LDB2: variants seen among roughly 807,000 people sequenced by gnomAD.
LDB2 encodes the protein LIM domain binding 2.
Under a neutral mutation model 44.3 loss-of-function variants are expected in LDB2, and 12 were observed. The observed-to-expected ratio is 0.27, with a 90% confidence interval of 0.17 to 0.44. The LOEUF is 0.44. LDB2 is among the 20% of genes least tolerant of loss of function. The probability of loss-of-function intolerance (pLI) is 1.00; values close to 1 mark genes in which losing one functional copy is unlikely to be tolerated. For missense variants in LDB2, 344 were observed against 473.5 expected (o/e 0.73, Z 2.54); for synonymous variants, 164 against 174.8 (o/e 0.94, Z 0.49).
chr4:16,593,560 C>T (rs971562867), intron 3 of LDB2, among the ~76,000 whole-genome samples: 21 of 152,106 alleles, frequency 1.4e-4, no homozygotes, highest in Admixed American at 1.2e-3. Flanking sequence ...TAATTAGCAT[C>T]TGGACTAAGT....
intron 5 of LDB2, among the ~76,000 whole-genome samples, chr4:16,563,604 A>C: frequency 6.7e-6 from 1 of 149,284 alleles, no homozygotes. Context: ...GCCCACCACC[A>C]CGCCTGGCTA....
At chr4:16,711,862 G>A (rs1460133152) in intron 2 of LDB2, among the ~76,000 whole-genome samples, 1 of 152,142 alleles carries the variant, frequency 6.6e-6, no homozygotes, top group Non-Finnish European at 1.5e-5. Flanking sequence ...TTTAACAAAT[G>A]GTGCTGAGAT....
chr4:16,799,453 T>A (rs1777353571), intron 1 of LDB2, among the ~76,000 whole-genome samples: 1 of 152,218 alleles, frequency 6.6e-6, no homozygotes, highest in Non-Finnish European at 1.5e-5. Context: ...GACAAATACT[T>A]GTCAGAGCCT....
At chr4:16,640,215 C>G (rs1463634655) in intron 2 of LDB2, among the ~76,000 whole-genome samples, 1 of 152,142 alleles carries the variant, frequency 6.6e-6, no homozygotes. Context: ...AGTATTCTAC[C>G]TTGTGGGTGT....
chr4:16,675,838 TCAA>T (rs1746151580), intron 2 of LDB2, among the ~76,000 whole-genome samples: 3 of 152,172 alleles, frequency 2.0e-5, no homozygotes, highest in African/African-American at 7.2e-5. Context: ...TAAAAATAAA[TCAA>T]CTTCAGTGTT....
chr4:16,602,006 A>G (rs1209426156), intron 2 of LDB2, among the ~76,000 whole-genome samples: 4 of 152,202 alleles, frequency 2.6e-5, no homozygotes, highest in African/African-American at 9.6e-5. Context: ...AAGTCGAATT[A>G]ATTAATTAAT....
At chr4:16,656,712 T>C (rs1287766876) in intron 2 of LDB2, among the ~76,000 whole-genome samples, 1 of 152,232 alleles carries the variant, frequency 6.6e-6, no homozygotes, top group Non-Finnish European at 1.5e-5. Context: ...AAACACATCA[T>C]GCCAATGTAA....
intron 2 of LDB2, among the ~76,000 whole-genome samples, chr4:16,670,361 A>G (rs753566662): frequency 2.0e-5 from 3 of 152,130 alleles, no homozygotes; most frequent in Admixed American, 6.5e-5. Context: ...CCTCCTTTCT[A>G]TGAATGTCCT....
chr4:16,886,631 A>T (rs1327096997), intron 1 of LDB2, among the ~76,000 whole-genome samples: 1 of 152,212 alleles, frequency 6.6e-6, no homozygotes, highest in Non-Finnish European at 1.5e-5. Flanking sequence ...ATGTATTTTA[A>T]AGCACATGCA....
intron 5 of LDB2, among the ~76,000 whole-genome samples, chr4:16,513,798 C>T (rs895957366): frequency 2.6e-5 from 4 of 152,138 alleles, no homozygotes; most frequent in Middle Eastern, 3.2e-3. Context: ...ATCCCTCATT[C>T]GCCCCCACAG....
intron 1 of LDB2, among the ~76,000 whole-genome samples, chr4:16,775,865 C>A (rs1174038296): frequency 6.6e-6 from 1 of 152,176 alleles, no homozygotes; most frequent in African/African-American, 2.4e-5. Context: ...TTCAAGCAGA[C>A]TGACTGAAGC....
chr4:16,645,627 C>G (rs1736584525), intron 2 of LDB2, among the ~76,000 whole-genome samples: 1 of 150,802 alleles, frequency 6.6e-6, no homozygotes, highest in African/African-American at 2.4e-5. Flanking sequence ...CCTACTTACA[C>G]TCAAAGAAAA....
intron 1 of LDB2, among the ~76,000 whole-genome samples, chr4:16,820,084 G>A (rs1243934597): frequency 6.6e-6 from 1 of 152,150 alleles, no homozygotes; most frequent in Non-Finnish European, 1.5e-5. Flanking sequence ...TGAGAAATTG[G>A]CACTCAAGTA....
intron 2 of LDB2, among the ~76,000 whole-genome samples, chr4:16,638,474 G>T (rs1475879439): frequency 6.6e-6 from 1 of 152,180 alleles, no homozygotes; most frequent in Non-Finnish European, 1.5e-5. Context: ...CAGATTGCTT[G>T]GAGAGCAGGG....
At chr4:16,813,857 ATTTTCTTTTC>A (rs770540195) in intron 1 of LDB2, among the ~76,000 whole-genome samples, 1 of 149,084 alleles carries the variant, frequency 6.7e-6, no homozygotes, top group East Asian at 2.0e-4. Flanking sequence ...AGGGATACTG[ATTTTCTTTTC>A]TTTTCTTTTC....
chr4:16,702,995 CCA>C (rs1371138161), intron 2 of LDB2, among the ~76,000 whole-genome samples: 3 of 152,188 alleles, frequency 2.0e-5, no homozygotes, highest in Non-Finnish European at 2.9e-5. Flanking sequence ...CTGTTTCTGA[CCA>C]CACAGACTGG....
intron 5 of LDB2, among the ~76,000 whole-genome samples, chr4:16,545,210 G>GT (rs146522316): frequency 7.6e-6 from 1 of 132,090 alleles, no homozygotes; most frequent in East Asian, 2.2e-4. Context: ...CCTTCCTTCT[G>GT]TTTTTTCCCC....
intron 2 of LDB2, among the ~76,000 whole-genome samples, chr4:16,646,134 A>G (rs1411115750): frequency 4.6e-5 from 7 of 152,242 alleles, no homozygotes; most frequent in Non-Finnish European, 2.9e-5. Flanking sequence ...TCAATAGACT[A>G]TCTACAAATT....
intron 2 of LDB2, among the ~76,000 whole-genome samples, chr4:16,604,392 C>T (rs1271085633): frequency 6.6e-6 from 1 of 151,556 alleles, no homozygotes; most frequent in African/African-American, 2.4e-5. Context: ...TATTTTTGTT[C>T]CCTTTCTCCT....
Sources: allele counts gnomAD v4.1 joint callset (sites outside exome capture counted in the v4.1 genomes callset), GRCh38; gene constraint gnomAD v4.1.1; transcripts MANE v1.5; gene names NCBI Gene and HGNC (gene_info 2026-07-23, HGNC 2026-07-21).